The following IL1RL2 variants were observed in gnomAD, a reference collection of about 807,000 sequenced individuals.
IL1RL2 encodes the protein interleukin-1 receptor-like 2.
In IL1RL2, 68 loss-of-function variants were observed where a neutral mutation model predicts 66.8. The ratio of observed to expected loss-of-function variants is 1.02; its 90% CI spans 0.84 to 1.25. The LOEUF (loss-of-function observed/expected upper bound fraction) is 1.25. Among genes scored for constraint, IL1RL2 ranks in the 50% most tolerant of loss-of-function variants. IL1RL2 has a pLI of 0.00. For missense variants in IL1RL2, 729 were observed against 709.3 expected, an observed-to-expected ratio of 1.03 and a Z score of -0.32; for synonymous variants, 305 against 264.6, an observed-to-expected ratio of 1.15 and a Z score of -1.48.
chr2:102,209,158 C>T (rs1688947227), intron 5 of IL1RL2, among the ~76,000 whole-genome samples: 10 of 152,196 alleles, frequency 6.6e-5, no homozygotes, highest in Admixed American at 6.5e-4. Flanking sequence ...GTTCAATAAA[C>T]ATTTATTTAT....
chr2:102,187,929 C>G lies in IL1RL2; in HGVS notation c.58+4C>G, dbSNP rs1686836072. Reference sequence around the variant, plus strand: ...CTTCCACTGTCTGTCACAGCAGGTACGTTCCGTGTGTCCTCCGTTCCCAGA... The same window carrying G: ...CTTCCACTGTCTGTCACAGCAGGTAGGTTCCGTGTGTCCTCCGTTCCCAGA... On this transcript the variant is annotated splice_donor_region_variant and intron_variant, in intron 2 of 11. Coordinates refer to ENST00000264257, the MANE Select transcript of IL1RL2 (RefSeq NM_003854.4). 6.2e-7 allele frequency: 1 copy of G among 1,613,552 alleles called. No homozygotes were observed. Among genetic ancestry groups the G allele is most frequent in the Admixed American group, 1.7e-5 (1 of 60,008 alleles).
chr2:102,209,604 G>T (rs1204277051), intron 5 of IL1RL2, among the ~76,000 whole-genome samples: 1 of 152,168 alleles, frequency 6.6e-6, no homozygotes, highest in African/African-American at 2.4e-5. Context: ...CTGAGGTCAT[G>T]GAGTTAAGCA....
intron 11 of IL1RL2, chr2:102,236,086 C>A: frequency 3.1e-6 from 1 of 318,212 alleles, no homozygotes; most frequent in Non-Finnish European, 4.5e-6. Context: ...TTCCAATGAG[C>A]CAATGTGCCC....
At chr2:102,204,183 A>G (rs572074159) in intron 5 of IL1RL2, among the ~76,000 whole-genome samples, 2 of 152,168 alleles carry the variant, frequency 1.3e-5, no homozygotes, top group South Asian at 4.1e-4. Context: ...ATGTATTTGT[A>G]TAGTTTCCAA....
chr2:102,222,676 T>C (rs556349497), intron 8 of IL1RL2, among the ~76,000 whole-genome samples: 19 of 152,238 alleles, frequency 1.2e-4, no homozygotes, highest in African/African-American at 3.4e-4. Flanking sequence ...AAATGTGCGG[T>C]AGGTCAGTGA....
intron 11 of IL1RL2, among the ~76,000 whole-genome samples, chr2:102,238,522 C>T (rs576907848): frequency 6.6e-6 from 1 of 152,350 alleles, no homozygotes; most frequent in East Asian, 1.9e-4. Flanking sequence ...CATAGTGACG[C>T]AGACCACTTC....
chr2:102,202,882 G>T (rs1414739718), intron 5 of IL1RL2, among the ~76,000 whole-genome samples: 1 of 152,056 alleles, frequency 6.6e-6, no homozygotes, highest in Non-Finnish European at 1.5e-5. Context: ...TCTTTCTCTT[G>T]TCTGATTTCT....
At chr2:102,233,607 T>G (rs1674546894) in intron 10 of IL1RL2, among the ~76,000 whole-genome samples, 1 of 152,160 alleles carries the variant, frequency 6.6e-6, no homozygotes, top group African/African-American at 2.4e-5. Flanking sequence ...GAAGTTTTAG[T>G]GTACTTTTCC....
At chr2:102,220,199 G>T (rs1354987503) in intron 8 of IL1RL2, among the ~76,000 whole-genome samples, 182 bp downstream of exon 8, 1 of 152,126 alleles carries the variant, frequency 6.6e-6, no homozygotes, top group African/African-American at 2.4e-5. Flanking sequence ...TTGGAGTGAG[G>T]CTGTGATTTT....
chr2:102,188,835 C>T (rs1686965557), intron 2 of IL1RL2, among the ~76,000 whole-genome samples: 1 of 151,756 alleles, frequency 6.6e-6, no homozygotes, highest in Non-Finnish European at 1.5e-5. Flanking sequence ...AAATCACTCC[C>T]GATGGGGAGG....
chr2:102,208,881 T>C (rs1688924659), intron 5 of IL1RL2, among the ~76,000 whole-genome samples: 1 of 152,258 alleles, frequency 6.6e-6, no homozygotes, highest in Admixed American at 6.5e-5. Context: ...ACAAGGTTTT[T>C]TTGATTTTCC....
chr2:102,240,514 G>A (rs185792848), downstream of IL1RL2, among the ~76,000 whole-genome samples: 11 of 152,044 alleles, frequency 7.2e-5, no homozygotes, highest in Admixed American at 4.6e-4. Flanking sequence ...AAGCAACTCA[G>A]TATGCACACA....
At chr2:102,198,546 T>A (rs1687975697) in intron 4 of IL1RL2, among the ~76,000 whole-genome samples, 1 of 152,234 alleles carries the variant, frequency 6.6e-6, no homozygotes, top group African/African-American at 2.4e-5. Context: ...AAATTGACAT[T>A]CATTTTCAAC....
At chr2:102,242,856 A>T (rs1447275180), downstream of IL1RL2, among the ~76,000 whole-genome samples, 1 of 152,258 alleles carries the variant, frequency 6.6e-6, no homozygotes, top group Non-Finnish European at 1.5e-5. Context: ...TTACAAACAA[A>T]GTGCATTCAT....
At chr2:102,193,495 G>T (rs938028440) in intron 4 of IL1RL2, among the ~76,000 whole-genome samples, 5 of 152,068 alleles carry the variant, frequency 3.3e-5, no homozygotes, top group Non-Finnish European at 7.3e-5. Context: ...CCTAATTCCT[G>T]GGCTCAAGTG....
chr2:102,201,593 T>C lies in IL1RL2; in HGVS notation c.527T>C (p.Leu176Ser), dbSNP rs1326593209. ...NEIKGERFTV[L>S]ETRLLVSNVS... is the part of the protein sequence containing the mutation. ...ATTAAAGGGGAGCGGTTCACTGTTTTGGAAACCAGGCTTTTGGTGAGCAAT... is the reference window on the plus strand; with the variant it reads ...ATTAAAGGGGAGCGGTTCACTGTTTCGGAAACCAGGCTTTTGGTGAGCAAT... Residue 176 changes from leucine (L) to serine (S), a missense_variant, in exon 5 of 12, where the codon TTG becomes TCG. By Grantham distance (145) the Leu-to-Ser change is moderately radical. Coordinates refer to ENST00000264257, the MANE Select transcript of IL1RL2 (RefSeq NM_003854.4). 1 of 1,614,124 alleles carries C rather than the reference T, an allele frequency of 6.2e-7. No individual in the cohort carries two copies. The highest frequency in any genetic ancestry group is 8.5e-7 in the Non-Finnish European group (1 of 1,179,976).
chr2:102,228,071 C>T (rs1459168009), intron 9 of IL1RL2, among the ~76,000 whole-genome samples: 1 of 152,100 alleles, frequency 6.6e-6, no homozygotes, highest in African/African-American at 2.4e-5. Flanking sequence ...GAGGATTTGG[C>T]GATGGAGGCT....
chr2:102,194,680 C>T (rs1687509833), intron 4 of IL1RL2, among the ~76,000 whole-genome samples: 1 of 151,978 alleles, frequency 6.6e-6, no homozygotes, highest in Non-Finnish European at 1.5e-5. Context: ...TGTTGATCTT[C>T]TTTAAATTTT....
At chr2:102,187,140 G>A in intron 1 of IL1RL2, 54 bp downstream of exon 1, 1 of 1,278,704 alleles carries the variant, frequency 7.8e-7, no homozygotes, top group Non-Finnish European at 1.0e-6. Flanking sequence ...GGCCCTGACA[G>A]TAGGAGAGGT....
Sources: gnomAD v4.1 joint callset for allele counts (sites outside exome capture counted in the v4.1 genomes callset) on GRCh38, gnomAD v4.1.1 for gene constraint, MANE v1.5 for transcripts, NCBI Gene and HGNC (gene_info 2026-07-23, HGNC 2026-07-21) for gene names.